Variants in KNTC1 observed in about 807,000 individuals in gnomAD.
KNTC1 encodes kinetochore-associated protein 1.
KNTC1 carries 253 observed loss-of-function variants against 314.4 expected under a neutral mutation model. That is an observed-to-expected ratio of 0.80 (90% CI 0.73 to 0.89). KNTC1 has a LOEUF of 0.89. Ranked by LOEUF, KNTC1 falls within the 40% of genes least tolerant of loss-of-function variation. The probability of loss-of-function intolerance (pLI) is 0.00; values close to 1 mark genes in which losing one functional copy is unlikely to be tolerated. For synonymous variants in KNTC1, 901 were observed against 901.4 expected, an observed-to-expected ratio of 1.00 and a Z score of 0.01; for missense variants, 2,475 against 2,572.9, an observed-to-expected ratio of 0.96 and a Z score of 0.82.
Position 122,557,418 on chromosome 12 carries a change from A to G in KNTC1, c.1307A>G (p.Glu436Gly). ...AAGGTCAAGTCAAATCATATATTGG[A>G]GAAACTGGCATTGAGTTCTGTGGAT... ...VYKVKSNHIL[E>G]KLALSSVDAS... Residue 436 changes from glutamate (E) to glycine (G), a missense_variant, in exon 17 of 64, where the codon GAG becomes GGG. Transcript: ENST00000333479. 1 of 1,613,742 alleles carries G rather than the reference A, an allele frequency of 6.2e-7. No homozygotes were observed. The highest frequency in any genetic ancestry group is 8.5e-7 in the Non-Finnish European group (1 of 1,179,746).
At chr12:122,592,848 T>TTTG (rs1192556798) in intron 42 of KNTC1, 1 of 152,136 alleles carries the variant, frequency 6.6e-6, no homozygotes, top group African/African-American at 2.4e-5. Flanking sequence ...CACACTGTGC[T>TTTG]TTGTTCTTTA....
intron 2 of KNTC1, among the ~76,000 whole-genome samples, chr12:122,530,608 G>C (rs145672721): frequency 2.0e-5 from 3 of 151,764 alleles, no homozygotes; most frequent in Non-Finnish European, 2.9e-5. Flanking sequence ...GTGCCACCAT[G>C]CTCAGCTAAT....
chr12:122,549,208 A>G (rs1335854328), intron 12 of KNTC1, among the ~76,000 whole-genome samples: 1 of 150,666 alleles, frequency 6.6e-6, no homozygotes, highest in African/African-American at 2.4e-5. Flanking sequence ...GTGCACCACT[A>G]TGTTCCAGCT....
chr12:122,598,583 G>C (rs1466403154), intron 44 of KNTC1, among the ~76,000 whole-genome samples: 2 of 150,530 alleles, frequency 1.3e-5, no homozygotes, highest in East Asian at 4.0e-4. Context: ...ATCATGCCTG[G>C]CTCATTTTTG....
chr12:122,590,675 TG>T lies in KNTC1; in HGVS notation c.4069del (p.Val1357CysfsTer9). The T allele has an allele frequency of 9.3e-6, 15 of 1,613,744 alleles. No homozygotes were observed. The highest frequency in any genetic ancestry group is 1.2e-5 in the Non-Finnish European group (14 of 1,179,754). ...ACTGCACTCTCTTACCTCAAAAAGA[TG>T]TGTTTGAAAATCTCTGGAAGCTCAT... The part of the protein sequence containing the change: ...GYCTLLPQKD[V>X]FENLWKLIDK... On this transcript the variant is annotated frameshift_variant, in exon 41 of 64. Coordinates refer to ENST00000333479, the MANE Select transcript of KNTC1 (RefSeq NM_014708.6).
At chr12:122,618,461 G>GTTTTTTTTTTTTTTTT in intron 58 of KNTC1, 21 bp from the exon 59 acceptor site, 3 of 1,558,950 alleles carry the variant, frequency 1.9e-6, no homozygotes, top group African/African-American at 1.4e-5. Context: ...TATCATGGTT[G>GTTTTTTTTTTTTTTTT]TTTTTTTGTT....
At chr12:122,613,366 T>C (rs1873393182) in intron 54 of KNTC1, 136 bp downstream of exon 54, 1 of 695,788 alleles carries the variant, frequency 1.4e-6, no homozygotes, top group Non-Finnish European at 2.3e-6. Context: ...TGAATATCCT[T>C]GACATTTTGG....
At chr12:122,619,046 T>G (rs1366083641) in intron 59 of KNTC1, among the ~76,000 whole-genome samples, 3 of 142,542 alleles carry the variant, frequency 2.1e-5, no homozygotes, top group Non-Finnish European at 4.6e-5. Context: ...TTGTTTTTTG[T>G]TTTTTGTTTT....
chr12:122,619,755 G>A (rs1874210527), intron 59 of KNTC1, among the ~76,000 whole-genome samples: 1 of 152,104 alleles, frequency 6.6e-6, no homozygotes, highest in African/African-American at 2.4e-5. Flanking sequence ...TTTTTACAAT[G>A]TCTACTTCCC....
chr12:122,610,747 TAGAAAGATA>T (rs1461864049), intron 52 of KNTC1, 66 bp from the exon 53 acceptor site: 1 of 941,882 alleles, frequency 1.1e-6, no homozygotes, highest in African/African-American at 1.6e-5. Context: ...GTTCCATGGA[TAGAAAGATA>T]AGTCTGTTGT....
chr12:122,602,301 C>A, intron 45 of KNTC1: 1 of 269,536 alleles, frequency 3.7e-6, no homozygotes, highest in Non-Finnish European at 6.8e-6. Context: ...ATTTGAAGAG[C>A]AGATAACTGT....
Position 122,602,631 on chromosome 12 carries a change from A to C in KNTC1, c.4716A>C (p.Glu1572Asp), listed in dbSNP as rs187488050. The change falls in exon 46 of 64, where the codon GAA becomes GAC. Residue 1572 changes from glutamate to aspartate, a missense_variant. Coordinates refer to ENST00000333479, the MANE Select transcript of KNTC1 (RefSeq NM_014708.6). ...YRRISPPVDL[E>D]YQYMLEHVIT... ...GAATTTCTCCTCCCGTGGATCTAGA[A>C]TATCAGTATATGTTGGAACATGTCA... 3 of 1,611,682 alleles carry C rather than the reference A, an allele frequency of 1.9e-6. No individual in the cohort carries two copies. The African/African-American group carries it at 4.0e-5, about 22-fold the overall frequency.
Position 122,575,905 on chromosome 12 carries a change from T to G in KNTC1, c.2586+6T>G, listed in dbSNP as rs1437993253. ...TCTTAAACAAGGAAATAATGGTAAG[T>G]ACACTCTTCGAAGAGTCTTTTTTCT... is the stretch of plus-strand genomic sequence containing the variant. On this transcript the variant is annotated splice_donor_region_variant and intron_variant, in intron 29 of 63. Coordinates refer to ENST00000333479, the MANE Select transcript of KNTC1 (RefSeq NM_014708.6). 6.3e-7 allele frequency: 1 copy of G among 1,598,372 alleles called. No homozygotes were observed. The highest frequency in any genetic ancestry group is 8.5e-7 in the Non-Finnish European group (1 of 1,175,742).
At chr12:122,621,604 G>A (rs1874442409) in intron 60 of KNTC1, among the ~76,000 whole-genome samples, 1 of 152,128 alleles carries the variant, frequency 6.6e-6, no homozygotes, top group South Asian at 2.1e-4. Flanking sequence ...CAAAGTGTTG[G>A]GATTATAGGC....
rs754831260 is a variant in KNTC1 at position 122,577,754 on chromosome 12, G to A, written c.2804G>A (p.Arg935Gln). The A allele has an allele frequency of 5.0e-6, 8 of 1,613,626 alleles. No individual in the cohort carries two copies. The highest frequency in any genetic ancestry group is 3.3e-4 in the Middle Eastern group (2 of 6,062). Residue 935 changes from arginine to glutamine, a missense_variant, in exon 31 of 64, where the codon CGA becomes CAA. Physicochemically the swap from Arg to Gln is conservative, Grantham distance 43. Coordinates refer to ENST00000333479, the MANE Select transcript of KNTC1 (RefSeq NM_014708.6). Reference protein sequence around the residue: ...KTAERVIIWARLALQEEPDHS... With the variant: ...KTAERVIIWAQLALQEEPDHS... The stretch of plus-strand genomic sequence containing the variant: ...GCAGAAAGAGTCATCATATGGGCAC[G>A]ACTGGCATTACAAGAAGAGCCAGAT...
chr12:122,550,256 C>T (rs1380354226), intron 13 of KNTC1, among the ~76,000 whole-genome samples: 1 of 152,118 alleles, frequency 6.6e-6, no homozygotes, highest in Non-Finnish European at 1.5e-5. Context: ...TAGTTTTCCA[C>T]ATTTTGGAAA....
At chr12:122,599,877 G>A (rs1437870500) in intron 44 of KNTC1, among the ~76,000 whole-genome samples, 1 of 152,004 alleles carries the variant, frequency 6.6e-6, no homozygotes, top group Non-Finnish European at 1.5e-5. Flanking sequence ...AATTAGTTAG[G>A]CCTAGTAGTA....
intron 36 of KNTC1, among the ~76,000 whole-genome samples, 165 bp from the exon 37 acceptor site, chr12:122,585,471 T>C (rs1234919007): frequency 6.6e-6 from 1 of 152,224 alleles, no homozygotes; most frequent in African/African-American, 2.4e-5. Flanking sequence ...TGGCTTTAAT[T>C]TGCACTATCT....
intron 5 of KNTC1, among the ~76,000 whole-genome samples, chr12:122,540,128 G>A (rs1239625968): frequency 4.6e-5 from 7 of 150,768 alleles, no homozygotes; most frequent in South Asian, 2.1e-4. Context: ...CAAATTTGTG[G>A]TTAATAAATT....
Sources: gnomAD v4.1 joint callset for allele counts (sites outside exome capture counted in the v4.1 genomes callset) on GRCh38, gnomAD v4.1.1 for gene constraint, MANE v1.5 for transcripts, NCBI Gene and HGNC (gene_info 2026-07-23, HGNC 2026-07-21) for gene names.